Variants in CADM1 observed in about 807,000 individuals in gnomAD.
The protein encoded by CADM1 is TSLC-1.
In CADM1, 15 loss-of-function variants were observed where a neutral mutation model predicts 53.1. The ratio of observed to expected loss-of-function variants is 0.28; its 90% confidence interval spans 0.19 to 0.44. CADM1 has a LOEUF of 0.44. Among genes scored for constraint, CADM1 ranks in the 20% least tolerant of loss-of-function variants. The pLI is 1.00. For synonymous variants in CADM1, 281 were observed against 243.0 expected, an observed-to-expected ratio of 1.16 and a Z score of -1.45; for missense variants, 434 against 611.3, an observed-to-expected ratio of 0.71 and a Z score of 3.06.
intron 1 of CADM1, among the ~76,000 whole-genome samples, chr11:115,424,707 G>A (rs528750010): frequency 4.0e-4 from 61 of 151,998 alleles, no homozygotes; most frequent in African/African-American, 1.3e-3. Context: ...TTGCATTTTT[G>A]TAGAGAGGGG....
intron 1 of CADM1, chr11:115,397,564 GATATGT>G (rs1947032660): frequency 1.3e-5 from 2 of 152,270 alleles, no homozygotes; most frequent in South Asian, 4.1e-4. Flanking sequence ...TCACTAAACT[GATATGT>G]AACCCAAGGC....
intron 1 of CADM1, among the ~76,000 whole-genome samples, chr11:115,267,341 T>C (rs536377684): frequency 3.9e-5 from 6 of 152,364 alleles, no homozygotes; most frequent in African/African-American, 1.2e-4. Context: ...TGGATGCTAA[T>C]GTATTTCAGG....
chr11:115,487,399 T>C (rs1949398637), intron 1 of CADM1, among the ~76,000 whole-genome samples: 1 of 152,136 alleles, frequency 6.6e-6, no homozygotes, highest in Admixed American at 6.5e-5. Context: ...GGTCAAAATC[T>C]TGAAGGTGAT....
intron 1 of CADM1, among the ~76,000 whole-genome samples, chr11:115,351,439 T>TG (rs944646902): frequency 1.1e-4 from 17 of 152,190 alleles, no homozygotes; most frequent in African/African-American, 3.9e-4. Context: ...AATGGCCACT[T>TG]GGAGTCCCAG....
chr11:115,425,204 C>T (rs1158429665), intron 1 of CADM1, among the ~76,000 whole-genome samples: 1 of 152,184 alleles, frequency 6.6e-6, no homozygotes, highest in East Asian at 1.9e-4. Context: ...TCTGTCCGCT[C>T]TTTTATTAAT....
chr11:115,332,166 G>A (rs950407778), intron 1 of CADM1, among the ~76,000 whole-genome samples: 7 of 152,130 alleles, frequency 4.6e-5, no homozygotes, highest in Non-Finnish European at 1.0e-4. Context: ...GCAGGGATTC[G>A]AAGAGAGTTG....
chr11:115,284,542 G>C (rs1591671007), intron 1 of CADM1, among the ~76,000 whole-genome samples: 1 of 151,126 alleles, frequency 6.6e-6, no homozygotes, highest in Non-Finnish European at 1.5e-5. Context: ...AAAAACGTAA[G>C]AGGAAGATAG....
At chr11:115,398,726 G>C (rs972329870) in intron 1 of CADM1, among the ~76,000 whole-genome samples, 3 of 152,128 alleles carry the variant, frequency 2.0e-5, no homozygotes, top group African/African-American at 7.2e-5. Flanking sequence ...ATTCCACTAA[G>C]GCCACTTGTG....
chr11:115,489,423 A>G (rs1457820472), intron 1 of CADM1, among the ~76,000 whole-genome samples: 1 of 152,262 alleles, frequency 6.6e-6, no homozygotes, highest in East Asian at 1.9e-4. Context: ...AGTATTTATA[A>G]GAAATGAAAA....
rs1398081029 is a variant in CADM1, at chr11:115,438,534, T to A, written c.124+65737A>T. ...GAGCTTTGGGAAATGTAAAAAAAAA[T>A]AGAAGAAAGAAAAACCATTGGCCTC... is the stretch of plus-strand genomic sequence containing the variant. On this transcript the variant is annotated intron_variant, in intron 1 of 11. Coordinates refer to ENST00000331581, the MANE Select transcript of CADM1 (RefSeq NM_001301043.2). 2.0e-5 allele frequency among the ~76,000 whole-genome samples: 3 copies of A among 149,334 alleles called. No individual in the cohort carries two copies. In the East Asian group the frequency reaches 5.8e-4, roughly 29 times the overall value.
chr11:115,400,559 G>A (rs1236203227), intron 1 of CADM1, among the ~76,000 whole-genome samples: 3 of 134,240 alleles, frequency 2.2e-5, no homozygotes, highest in African/African-American at 8.8e-5. Flanking sequence ...ATATATGGTG[G>A]TGATATATAT....
At chr11:115,377,023 C>A (rs995860731) in intron 1 of CADM1, among the ~76,000 whole-genome samples, 2 of 152,160 alleles carry the variant, frequency 1.3e-5, no homozygotes, top group South Asian at 2.1e-4. Flanking sequence ...AAATGTCATG[C>A]GCCATGACTA....
At chr11:115,372,404 A>G (rs1312775640) in intron 1 of CADM1, among the ~76,000 whole-genome samples, 2 of 152,080 alleles carry the variant, frequency 1.3e-5, no homozygotes, top group Non-Finnish European at 2.9e-5. Flanking sequence ...AACAGAAAAA[A>G]ATACCAGGAA....
chr11:115,263,777 C>A (rs1347754254), intron 1 of CADM1, among the ~76,000 whole-genome samples: 2 of 152,052 alleles, frequency 1.3e-5, no homozygotes, highest in African/African-American at 4.8e-5. Flanking sequence ...CCACTGTAAA[C>A]AGAAACAGGC....
chr11:115,435,822 T>G (rs952436361), intron 1 of CADM1, among the ~76,000 whole-genome samples: 9 of 152,238 alleles, frequency 5.9e-5, no homozygotes, highest in Non-Finnish European at 1.3e-4. Flanking sequence ...ACAACCGACC[T>G]GAGTGATTTT....
chr11:115,333,720 A>C (rs925537604), intron 1 of CADM1: 1 of 152,212 alleles, frequency 6.6e-6, no homozygotes, highest in Non-Finnish European at 1.5e-5. Context: ...TGTGGGCAGT[A>C]ACATTATTCA....
intron 1 of CADM1, among the ~76,000 whole-genome samples, chr11:115,488,068 T>C (rs978135225): frequency 1.3e-5 from 2 of 150,568 alleles, no homozygotes; most frequent in African/African-American, 2.4e-5. Context: ...AAAAAGAATA[T>C]GGCACTTGGT....
At chr11:115,309,716 C>A (rs1406852593) in intron 1 of CADM1, among the ~76,000 whole-genome samples, 1 of 152,072 alleles carries the variant, frequency 6.6e-6, no homozygotes, top group East Asian at 1.9e-4. Flanking sequence ...CCGGTTCTAT[C>A]CCCCGGCCGT....
intron 1 of CADM1, among the ~76,000 whole-genome samples, chr11:115,430,041 C>A (rs1317030105): frequency 7.3e-5 from 11 of 149,824 alleles, no homozygotes; most frequent in Non-Finnish European, 1.5e-4. Flanking sequence ...AATTAAATGT[C>A]AAAAAAAAAA....
Sources: gnomAD v4.1 joint callset for allele counts (sites outside exome capture counted in the v4.1 genomes callset) on GRCh38, gnomAD v4.1.1 for gene constraint, MANE v1.5 for transcripts, NCBI Gene and HGNC (gene_info 2026-07-23, HGNC 2026-07-21) for gene names.